Variants in CCDC102B observed in about 807,000 individuals in gnomAD.
CCDC102B encodes coiled-coil domain containing 102B.
In CCDC102B, 75 loss-of-function variants were observed where a neutral mutation model predicts 57.4. The observed-to-expected ratio is 1.31, with a 90% CI of 1.08 to 1.58. CCDC102B has a LOEUF of 1.58. Among genes scored for constraint, CCDC102B ranks in the 40% most tolerant of loss-of-function variants. The probability of loss-of-function intolerance (pLI) is 0.00; values close to 1 mark genes in which losing one functional copy is unlikely to be tolerated. For synonymous variants in CCDC102B, 206 were observed against 201.9 expected, an observed-to-expected ratio of 1.02 and a Z score of -0.17; for missense variants, 636 against 582.6, an observed-to-expected ratio of 1.09 and a Z score of -0.94.
chr18:68,979,155 A>G lies in CCDC102B; in HGVS notation c.1264-31779A>G, dbSNP rs184396700. On this transcript the variant is annotated intron_variant, in intron 6 of 7. Transcript: ENST00000360242. ...AGGGCTGTTCACTTTTTAACAGTTT[A>G]TTAAGCAGTATAGTTAGTATTTGTG... Among the ~76,000 whole-genome samples the G allele has an allele frequency of 4.6e-5, 7 of 152,160 alleles. No individual in the cohort carries two copies. In the East Asian group the frequency reaches 9.7e-4, roughly 21 times the overall value.
Position 68,897,280 on chromosome 18 carries a change from A to C in CCDC102B, c.1115A>C (p.Glu372Ala), listed in dbSNP as rs1382566464. 2 of 1,613,094 alleles carry C rather than the reference A, an allele frequency of 1.2e-6. No individual in the cohort carries two copies. Among genetic ancestry groups the C allele is most frequent in the Admixed American group, 3.3e-5 (2 of 59,930 alleles). Residue 372 changes from glutamate (E) to alanine (A), a missense_variant, in exon 6 of 8, where the codon GAA (glutamate) becomes GCA (alanine). Physicochemically the swap from Glu to Ala is moderately radical, Grantham distance 107. Coordinates refer to ENST00000360242, the MANE Select transcript of CCDC102B (RefSeq NM_024781.3). ...GACAAGAGGGAAATACTTGAAAGAG[A>C]AAAGCAGGGACTGGAGAGAGAAAAT... ...EWDKREILER[E>A]KQGLERENRR...
chr18:68,869,464 C>T (rs1218000879), intron 4 of CCDC102B, among the ~76,000 whole-genome samples: 1 of 152,208 alleles, frequency 6.6e-6, no homozygotes, highest in Non-Finnish European at 1.5e-5. Context: ...CTGAGGAATG[C>T]TGGTAGCAGA....
rs148311047 is a variant in CCDC102B, at chr18:68,915,116, C to A, written c.1263+17688C>A. ...GGCTATTTTATATATCTTCTAGTTACATTTAAGTAGATATCACAAATACAG... is the reference window on the plus strand; with the variant it reads ...GGCTATTTTATATATCTTCTAGTTAAATTTAAGTAGATATCACAAATACAG... On this transcript the variant is annotated intron_variant, in intron 6 of 7. Transcript: ENST00000360242. Among the ~76,000 whole-genome samples, 1,101 of 152,248 alleles carry A rather than the reference C, an allele frequency of 7.2e-3. 8 individuals carry two copies. The highest frequency in any genetic ancestry group is 0.025 in the African/African-American group (1,027 of 41,534).
intron 3 of CCDC102B, among the ~76,000 whole-genome samples, chr18:68,842,700 A>G (rs149171568): frequency 1.3e-5 from 2 of 152,232 alleles, no homozygotes; most frequent in East Asian, 1.9e-4. Context: ...ACTGTCCCGT[A>G]TTGGTGATCT....
At chr18:68,765,369 GAA>G (rs1334628586) in intron 2 of CCDC102B, among the ~76,000 whole-genome samples, 10 of 126,258 alleles carry the variant, frequency 7.9e-5, no homozygotes, top group African/African-American at 2.4e-4. Context: ...AAGAAAGAAA[GAA>G]AGAAAGAAAA....
rs572021557 is a variant in CCDC102B at position 68,999,747 on chromosome 18, T to G, written c.1264-11187T>G. On this transcript the variant is annotated intron_variant, in intron 6 of 7. Coordinates refer to ENST00000360242, the MANE Select transcript of CCDC102B (RefSeq NM_024781.3). ...GCCTTCAAATATGCCCCTATTCTAC[T>G]TATCCTTAGATTCTCCTAACTCTGT... 2.0e-5 allele frequency among the ~76,000 whole-genome samples: 3 copies of G among 152,338 alleles called. No individual in the cohort carries two copies. The South Asian group carries it at 6.2e-4, about 32-fold the overall frequency.
At chr18:68,945,931 A>T (rs962467534) in intron 6 of CCDC102B, among the ~76,000 whole-genome samples, 28 of 151,452 alleles carry the variant, frequency 1.8e-4, no homozygotes, top group African/African-American at 6.8e-4. Flanking sequence ...TCACTTTATT[A>T]TTTTTTTTCT....
At chr18:68,802,809 A>G (rs1197869509) in intron 1 of CCDC102B, among the ~76,000 whole-genome samples, 2 of 152,242 alleles carry the variant, frequency 1.3e-5, no homozygotes, top group African/African-American at 4.8e-5. Context: ...GAAATAGTGC[A>G]GAAGACAAAC....
intron 7 of CCDC102B, among the ~76,000 whole-genome samples, chr18:69,053,035 C>T (rs937264752): frequency 2.0e-5 from 3 of 151,744 alleles, no homozygotes; most frequent in African/African-American, 4.8e-5. Context: ...GGTCTTGGAA[C>T]CAATCTCCTG....
chr18:68,856,253 A>G (rs1173148596), intron 4 of CCDC102B, among the ~76,000 whole-genome samples: 1 of 152,142 alleles, frequency 6.6e-6, no homozygotes, highest in Non-Finnish European at 1.5e-5. Flanking sequence ...TATTTTTTCT[A>G]TAGGAAAAAT....
At chr18:68,974,867 T>C (rs1043799987) in intron 6 of CCDC102B, among the ~76,000 whole-genome samples, 1 of 152,018 alleles carries the variant, frequency 6.6e-6, no homozygotes, top group South Asian at 2.1e-4. Flanking sequence ...TTGCATGTGT[T>C]ACTGTTTACT....
intron 2 of CCDC102B, among the ~76,000 whole-genome samples, chr18:68,748,205 GGTGTGTGTGTGTGTGTGTGTGTGT>G (rs5825872): frequency 4.4e-5 from 6 of 137,504 alleles, no homozygotes; most frequent in South Asian, 5.1e-4. Context: ...TTATTAAACT[GGTGTGTGTGTGTGTGTGTGTGTGT>G]GTGTGTGTGT....
intron 7 of CCDC102B, among the ~76,000 whole-genome samples, chr18:69,044,732 C>T (rs1469387059): frequency 6.6e-6 from 1 of 152,098 alleles, no homozygotes; most frequent in Non-Finnish European, 1.5e-5. Context: ...ACCAAAGGAA[C>T]AGTAACAGTT....
chr18:68,883,654 C>T (rs986661435), intron 5 of CCDC102B, among the ~76,000 whole-genome samples: 3 of 152,122 alleles, frequency 2.0e-5, no homozygotes, highest in Non-Finnish European at 4.4e-5. Context: ...ATTGTGCGTG[C>T]AACTGAGGGA....
At chr18:68,857,069 A>ATTTTTGTTTTGTC in intron 4 of CCDC102B, among the ~76,000 whole-genome samples, 1 of 120,732 alleles carries the variant, frequency 8.3e-6, no homozygotes, top group African/African-American at 3.2e-5. Flanking sequence ...ATATTTTTAT[A>ATTTTTGTTTTGTC]TATTATATAT....
chr18:68,740,689 C>T (rs9964050), intron 2 of CCDC102B, among the ~76,000 whole-genome samples: 17,058 of 152,124 alleles, frequency 0.11, 1,096 homozygotes, highest in African/African-American at 0.16. Flanking sequence ...AGTGCTGCCT[C>T]GGACGGGACG....
At chr18:69,056,312 A>AGTT (rs2052813853), downstream of CCDC102B, among the ~76,000 whole-genome samples, 1 of 152,096 alleles carries the variant, frequency 6.6e-6, no homozygotes, top group African/African-American at 2.4e-5. Context: ...GCAACAATCA[A>AGTT]TGCCAAAACT....
At chr18:69,034,737 A>G (rs1160765550) in intron 7 of CCDC102B, among the ~76,000 whole-genome samples, 1 of 151,302 alleles carries the variant, frequency 6.6e-6, no homozygotes, top group Non-Finnish European at 1.5e-5. Flanking sequence ...AAGACACCCC[A>G]CTGTGGATGC....
intron 6 of CCDC102B, among the ~76,000 whole-genome samples, chr18:68,921,152 A>G (rs1239580590): frequency 6.6e-6 from 1 of 152,126 alleles, no homozygotes; most frequent in African/African-American, 2.4e-5. Context: ...GCCTCTTCCA[A>G]TATTCTAGCC....
Sources: gnomAD v4.1 joint callset for allele counts (sites outside exome capture counted in the v4.1 genomes callset) on GRCh38, gnomAD v4.1.1 for gene constraint, MANE v1.5 for transcripts, NCBI Gene and HGNC (gene_info 2026-07-23, HGNC 2026-07-21) for gene names.